RNF38: variants seen among roughly 807,000 people sequenced by gnomAD.
RNF38 encodes the protein ring finger protein 38.
RNF38 carries 15 observed loss-of-function variants against 67.2 expected under a neutral mutation model. The observed-to-expected ratio is 0.22, with a 90% CI of 0.15 to 0.34. The LOEUF is 0.34. RNF38 is among the 10% of genes least tolerant of loss of function. The pLI is 1.00. For missense variants in RNF38, 524 were observed against 639.9 expected (o/e 0.82, Z 1.95); for synonymous variants, 220 against 218.8 (o/e 1.01, Z -0.05).
chr9:36,384,661 C>A (rs1031673417), intron 2 of RNF38, among the ~76,000 whole-genome samples: 1 of 152,152 alleles, frequency 6.6e-6, no homozygotes, highest in African/African-American at 2.4e-5. Context: ...GGAATACGTT[C>A]TTAAATAAAT....
intron 4 of RNF38, among the ~76,000 whole-genome samples, chr9:36,362,370 G>A (rs1834616986): frequency 6.6e-6 from 1 of 151,534 alleles, no homozygotes; most frequent in African/African-American, 2.4e-5. Flanking sequence ...GGGGAGGGGG[G>A]AGAAGGAGTT....
chr9:36,344,713 A>T, intron 10 of RNF38, 119 bp downstream of exon 10: 1 of 914,604 alleles, frequency 1.1e-6, no homozygotes, highest in Non-Finnish European at 1.7e-6. Context: ...TCTGACTCCT[A>T]AGCATTTTCT....
chr9:36,440,245 C>CA (rs1839164322), intron 1 of RNF38, among the ~76,000 whole-genome samples: 1 of 150,562 alleles, frequency 6.6e-6, no homozygotes, highest in South Asian at 2.1e-4. Context: ...GACTCTGCCT[C>CA]AAAAAAAGAA....
intron 1 of RNF38, among the ~76,000 whole-genome samples, chr9:36,449,040 T>C (rs1473964966): frequency 6.6e-6 from 1 of 152,004 alleles, no homozygotes; most frequent in African/African-American, 2.4e-5. Flanking sequence ...AGACCCAAAC[T>C]ATAAACCAGT....
At position 36,355,832 on chromosome 9, in the gene RNF38, TAA is replaced by T. The variant is rs972499857; in HGVS notation, c.909+469_909+470del. On this transcript the variant is annotated intron_variant, in intron 6 of 11. Coordinates refer to ENST00000259605, the MANE Select transcript of RNF38 (RefSeq NM_022781.5). ...TTAATTCAAGAACCAGAAGAATGCC[TAA>T]GTTATTACGTTTGTTTGTTTGTTTA... is the stretch of plus-strand genomic sequence containing the variant. Among the ~76,000 whole-genome samples the T allele has an allele frequency of 5.3e-4, 81 of 152,134 alleles. 1 individual carries two copies. The highest frequency in any genetic ancestry group is 1.9e-3 in the African/African-American group (77 of 41,410).
upstream of RNF38, chr9:36,400,381 G>C (rs907416845): frequency 3.4e-6 from 4 of 1,171,068 alleles, no homozygotes; most frequent in Non-Finnish European, 3.2e-6. Context: ...GCCGGGCAGC[G>C]GGCCGGCGGC....
chr9:36,372,375 G>T, intron 3 of RNF38: 1 of 567,330 alleles, frequency 1.8e-6, no homozygotes, highest in South Asian at 2.3e-5. Flanking sequence ...GTTTCTTGAA[G>T]TTTATTGTTA....
intron 1 of RNF38, among the ~76,000 whole-genome samples, chr9:36,480,940 T>C (rs1840244129): frequency 6.6e-6 from 1 of 151,938 alleles, no homozygotes; most frequent in African/African-American, 2.4e-5. Context: ...AAACTCACAA[T>C]ATCTCACTCT....
intron 8 of RNF38, among the ~76,000 whole-genome samples, chr9:36,352,133 C>A (rs1033878295): frequency 6.6e-6 from 1 of 152,076 alleles, no homozygotes; most frequent in Non-Finnish European, 1.5e-5. Context: ...AACCCTGTTT[C>A]TACTAAAAGT....
At chr9:36,477,159 T>C (rs1336977731) in intron 1 of RNF38, among the ~76,000 whole-genome samples, 1 of 150,548 alleles carries the variant, frequency 6.6e-6, no homozygotes, top group African/African-American at 2.4e-5. Flanking sequence ...CCATCTCTAC[T>C]AAAAATACAA....
At chr9:36,398,767 C>T (rs1228462821) in intron 1 of RNF38, among the ~76,000 whole-genome samples, 1 of 152,166 alleles carries the variant, frequency 6.6e-6, no homozygotes, top group African/African-American at 2.4e-5. Context: ...ACTACCTTTC[C>T]AGCAAGATGA....
chr9:36,384,033 AAC>A (rs1439818375), intron 2 of RNF38, among the ~76,000 whole-genome samples: 1 of 152,190 alleles, frequency 6.6e-6, no homozygotes, highest in Non-Finnish European at 1.5e-5. Flanking sequence ...GTATTTGAGT[AAC>A]AGACTAGTGA....
chr9:36,375,596 C>T (rs1835729620), intron 3 of RNF38, among the ~76,000 whole-genome samples: 2 of 152,124 alleles, frequency 1.3e-5, no homozygotes, highest in South Asian at 4.1e-4. Flanking sequence ...TCTAAGACTT[C>T]CATATATCCT....
chr9:36,382,747 T>C (rs1015579308), intron 2 of RNF38, among the ~76,000 whole-genome samples: 6 of 152,202 alleles, frequency 3.9e-5, no homozygotes, highest in African/African-American at 1.4e-4. Flanking sequence ...AAGAACCTGG[T>C]CCTCTTTCTA....
chr9:36,357,643 C>T (rs1465485440), intron 5 of RNF38, 132 bp downstream of exon 5: 6 of 552,728 alleles, frequency 1.1e-5, no homozygotes, highest in Non-Finnish European at 1.8e-5. Flanking sequence ...CAAAGACAGT[C>T]TCTTAAATTT....
upstream of RNF38, chr9:36,400,966 C>G: frequency 4.1e-6 from 4 of 984,498 alleles, no homozygotes; most frequent in Non-Finnish European, 4.8e-6. Flanking sequence ...CCCGGGCTCC[C>G]TATGCGCCGG....
intron 11 of RNF38, 41 bp from the exon 12 acceptor site, chr9:36,339,855 T>G: frequency 6.7e-7 from 1 of 1,492,980 alleles, no homozygotes; most frequent in South Asian, 1.2e-5. Flanking sequence ...TTGTGACACA[T>G]ACAATGAAAC....
chr9:36,423,543 T>C (rs974279763), intron 2 of RNF38, among the ~76,000 whole-genome samples: 1 of 152,106 alleles, frequency 6.6e-6, no homozygotes, highest in Non-Finnish European at 1.5e-5. Context: ...TAGAAATTGA[T>C]GGTGAAAAAG....
Position 36,425,067 on chromosome 9 carries a change from A to G in RNF38, n.242-384T>C, listed in dbSNP as rs1303640244. On this transcript the variant is annotated intron_variant and non_coding_transcript_variant, in intron 1 of 3. Coordinates refer to the RNF38 transcript ENST00000488058. ...TTTCAGACTACACATGCTTTGAGAA[A>G]AAACTGGTCCTATAAATTCTAAACA... 5.9e-5 allele frequency among the ~76,000 whole-genome samples: 9 copies of G among 152,250 alleles called. 1 individual carries two copies. Among genetic ancestry groups the G allele is most frequent in the Admixed American group, 2.0e-4 (3 of 15,284 alleles).
Sources: allele counts gnomAD v4.1 joint callset (sites outside exome capture counted in the v4.1 genomes callset), GRCh38; gene constraint gnomAD v4.1.1; transcripts MANE v1.5; gene names NCBI Gene and HGNC (gene_info 2026-07-23, HGNC 2026-07-21).